Variants in PLEKHA2 observed in about 807,000 individuals in gnomAD.
PLEKHA2 encodes pleckstrin homology domain containing A2, also known as pleckstrin homology domain-containing family A member 2.
A neutral mutation model predicts 53.2 loss-of-function variants in PLEKHA2; 28 were observed. The observed-to-expected ratio is 0.53, with a 90% confidence interval of 0.39 to 0.72. The LOEUF (loss-of-function observed/expected upper bound fraction) is 0.72. Ranked by LOEUF, PLEKHA2 falls within the 30% of genes least tolerant of loss-of-function variation. The probability of loss-of-function intolerance (pLI) is 0.00; values close to 1 mark genes in which losing one functional copy is unlikely to be tolerated. For missense variants in PLEKHA2, 426 were observed against 537.9 expected (o/e 0.79, Z 2.06); for synonymous variants, 193 against 196.4 (o/e 0.98, Z 0.14).
At chr8:38,950,577 C>G in intron 5 of PLEKHA2, 1 of 328,792 alleles carries the variant, frequency 3.0e-6, no homozygotes, top group Non-Finnish European at 5.6e-6. Flanking sequence ...TTTCGCTTGA[C>G]ACTTTATCTT....
chr8:38,952,073 C>T, intron 6 of PLEKHA2, 93 bp from the exon 7 acceptor site: 3 of 1,443,296 alleles, frequency 2.1e-6, no homozygotes, highest in South Asian at 1.3e-5. Flanking sequence ...TGACTTAGGG[C>T]AAAGAGGCCA....
chr8:38,908,709 G>A (rs1356298518), intron 1 of PLEKHA2, among the ~76,000 whole-genome samples: 2 of 152,160 alleles, frequency 1.3e-5, no homozygotes, highest in Non-Finnish European at 2.9e-5. Flanking sequence ...GGATGATTGA[G>A]ATCATATTAT....
At chr8:38,968,723 A>G (rs1835186040) in intron 11 of PLEKHA2, 54 bp downstream of exon 11, 1 of 1,587,166 alleles carries the variant, frequency 6.3e-7, no homozygotes, top group Non-Finnish European at 8.6e-7. Flanking sequence ...AATTCCTCTC[A>G]AGCAGGCATG....
At chr8:38,952,519 C>G (rs1465273862) in intron 7 of PLEKHA2, 117 bp from the exon 8 acceptor site, 3 of 1,345,944 alleles carry the variant, frequency 2.2e-6, no homozygotes, top group Non-Finnish European at 3.1e-6. Flanking sequence ...CTTGCCCCTG[C>G]TGAATGTGGG....
chr8:38,957,468 T>G (rs953615745), intron 10 of PLEKHA2, 82 bp downstream of exon 10: 3 of 1,232,744 alleles, frequency 2.4e-6, no homozygotes, highest in African/African-American at 1.5e-5. Flanking sequence ...TCCTTTGCTT[T>G]CTCTTTTCAT....
chr8:38,913,318 T>G (rs946426466), intron 1 of PLEKHA2, among the ~76,000 whole-genome samples: 6 of 148,176 alleles, frequency 4.0e-5, no homozygotes, highest in Admixed American at 3.4e-4. Flanking sequence ...GAGCCAAGAT[T>G]GCCCTGCTGC....
chr8:38,946,076 G>A (rs1279087102), intron 4 of PLEKHA2, 48 bp from the exon 5 acceptor site: 13 of 1,450,460 alleles, frequency 9.0e-6, no homozygotes, highest in African/African-American at 2.8e-5. Flanking sequence ...TGTATTGCTT[G>A]TATTCTGACC....
In PLEKHA2 at chr8:38,954,775, C is replaced by A. The variant is rs1834907720; in HGVS notation, c.773+1408C>A. ...GGGCGTGGTGGCTCACACCTGTAAT[C>A]CAATCCCAGCACTTTGGGAGGCCGA... On this transcript the variant is annotated intron_variant, in intron 9 of 11. Transcript: ENST00000617275. Among the ~76,000 whole-genome samples, 7 of 152,156 alleles carry A rather than the reference C, an allele frequency of 4.6e-5. 1 individual carries two copies. The South Asian group carries it at 1.5e-3, about 32-fold the overall frequency.
intron 2 of PLEKHA2, among the ~76,000 whole-genome samples, chr8:38,928,557 TC>T (rs1326950451): frequency 2.6e-5 from 4 of 152,024 alleles, no homozygotes. Flanking sequence ...CCCGACCTGG[TC>T]TTTAAGTCTC....
chr8:38,904,251 A>G (rs1833837209), intron 1 of PLEKHA2, among the ~76,000 whole-genome samples: 1 of 152,154 alleles, frequency 6.6e-6, no homozygotes, highest in Admixed American at 6.5e-5. Flanking sequence ...TTATGCATTA[A>G]AGCCGGAATT....
intron 2 of PLEKHA2, among the ~76,000 whole-genome samples, chr8:38,920,093 T>C (rs965757261): frequency 1.3e-5 from 2 of 152,106 alleles, no homozygotes; most frequent in African/African-American, 4.8e-5. Flanking sequence ...TGCCTCAGCC[T>C]CCTCAGTAGC....
chr8:38,940,494 T>G (rs1293376015), intron 3 of PLEKHA2, among the ~76,000 whole-genome samples: 2 of 152,068 alleles, frequency 1.3e-5, no homozygotes, highest in Admixed American at 1.3e-4. Flanking sequence ...TGGTCAGGAT[T>G]ATGCAGAGAT....
At chr8:38,934,861 C>A (rs1834463804) in intron 2 of PLEKHA2, among the ~76,000 whole-genome samples, 1 of 146,886 alleles carries the variant, frequency 6.8e-6, no homozygotes, top group Non-Finnish European at 1.5e-5. Context: ...GAGTTTGTAT[C>A]CTATGTATTA....
intron 4 of PLEKHA2, among the ~76,000 whole-genome samples, chr8:38,944,626 C>G (rs377136224): frequency 3.9e-5 from 6 of 152,140 alleles, no homozygotes; most frequent in African/African-American, 1.4e-4. Flanking sequence ...CAAGAACTCA[C>G]TATTATGACA....
intron 5 of PLEKHA2, among the ~76,000 whole-genome samples, chr8:38,947,111 C>G (rs6988514): frequency 0.86 from 131,200 of 152,202 alleles, 57,102 homozygotes; most frequent in Middle Eastern, 0.93. Context: ...CCTATAAGCA[C>G]TTTTGCTGAT....
chr8:38,967,627 ATGTCTTG>A (rs1835164902), intron 10 of PLEKHA2, among the ~76,000 whole-genome samples: 1 of 149,458 alleles, frequency 6.7e-6, no homozygotes, highest in South Asian at 2.1e-4. Context: ...GGCCACTTGT[ATGTCTTG>A]TTTTGAAAAC....
intron 2 of PLEKHA2, among the ~76,000 whole-genome samples, chr8:38,935,154 C>T (rs1025201779): frequency 6.6e-6 from 1 of 152,108 alleles, no homozygotes; most frequent in African/African-American, 2.4e-5. Context: ...GGTGGGACTA[C>T]AAGTGTGAGC....
chr8:38,934,154 G>A (rs537449090), intron 2 of PLEKHA2, among the ~76,000 whole-genome samples: 2 of 151,416 alleles, frequency 1.3e-5, no homozygotes, highest in African/African-American at 2.4e-5. Flanking sequence ...AGAAGAAGAA[G>A]AAAATATATA....
At chr8:38,954,931 G>A (rs1483855411) in intron 9 of PLEKHA2, among the ~76,000 whole-genome samples, 3 of 152,200 alleles carry the variant, frequency 2.0e-5, no homozygotes, top group Non-Finnish European at 4.4e-5. Flanking sequence ...CTACTTGGGA[G>A]GCTGAGGCAG....
Sources: allele counts gnomAD v4.1 joint callset (sites outside exome capture counted in the v4.1 genomes callset), GRCh38; gene constraint gnomAD v4.1.1; transcripts MANE v1.5; gene names NCBI Gene and HGNC (gene_info 2026-07-23, HGNC 2026-07-21).